The following CEP85L variants were observed in gnomAD, a reference collection of about 807,000 sequenced individuals.
CEP85L encodes centrosomal protein 85L, also known as centrosomal protein of 85 kDa-like.
In CEP85L, 60 loss-of-function variants were observed where a neutral mutation model predicts 100.3. The observed-to-expected ratio is 0.60, with a 90% CI of 0.49 to 0.74. CEP85L has a LOEUF of 0.74. Among genes scored for constraint, CEP85L ranks in the 30% least tolerant of loss-of-function variants. The pLI is 0.00. For missense variants in CEP85L, 973 were observed against 936.2 expected (o/e 1.04, Z -0.51); for synonymous variants, 319 against 322.7 (o/e 0.99, Z 0.12).
At chr6:118,684,077 C>T (rs1776753945) in intron 1 of CEP85L, among the ~76,000 whole-genome samples, 1 of 152,164 alleles carries the variant, frequency 6.6e-6, no homozygotes, top group Non-Finnish European at 1.5e-5. Context: ...ATAAGTTACA[C>T]AGGAAGTGGA....
chr6:118,522,423 T>C (rs1776720515), intron 4 of CEP85L, among the ~76,000 whole-genome samples: 1 of 152,214 alleles, frequency 6.6e-6, no homozygotes, highest in African/African-American at 2.4e-5. Flanking sequence ...CAACTGGGCC[T>C]GTACTTATTC....
intron 3 of CEP85L, chr6:118,560,767 A>G (rs1300040329): frequency 6.3e-6 from 1 of 159,804 alleles, no homozygotes; most frequent in Non-Finnish European, 1.5e-5. Flanking sequence ...ACATCTTCCA[A>G]TAACTCATAA....
chr6:118,566,622 T>A (rs568089564), intron 2 of CEP85L, among the ~76,000 whole-genome samples: 1 of 152,250 alleles, frequency 6.6e-6, no homozygotes, highest in African/African-American at 2.4e-5. Context: ...CTTTGCCATG[T>A]TGGGCAGGCT....
intron 1 of CEP85L, among the ~76,000 whole-genome samples, chr6:118,673,526 C>T (rs188264399): frequency 9.5e-4 from 144 of 152,302 alleles, no homozygotes; most frequent in Admixed American, 1.6e-3. Flanking sequence ...ATATAGACAG[C>T]GTACTGAGTA....
At chr6:118,542,548 C>G (rs1306257747) in intron 3 of CEP85L, among the ~76,000 whole-genome samples, 1 of 151,906 alleles carries the variant, frequency 6.6e-6, no homozygotes, top group Non-Finnish European at 1.5e-5. Flanking sequence ...TTAATTCGAT[C>G]TGCCTTCCAT....
At chr6:118,575,628 T>C (rs1477756870) in intron 2 of CEP85L, among the ~76,000 whole-genome samples, 1 of 151,978 alleles carries the variant, frequency 6.6e-6, no homozygotes, top group Non-Finnish European at 1.5e-5. Context: ...AGAAGGAAAG[T>C]GTGTATTACC....
At chr6:118,582,883 A>G (rs1402586945) in intron 2 of CEP85L, among the ~76,000 whole-genome samples, 1 of 152,232 alleles carries the variant, frequency 6.6e-6, no homozygotes, top group Non-Finnish European at 1.5e-5. Flanking sequence ...TCCTGAGAAT[A>G]GCCACTTCAG....
At chr6:118,651,739 C>G, upstream of CEP85L, 4 of 986,848 alleles carry the variant, frequency 4.1e-6, no homozygotes, top group Non-Finnish European at 4.8e-6. Flanking sequence ...TACCCCGACC[C>G]CGCTTCGCCT....
intron 2 of CEP85L, among the ~76,000 whole-genome samples, chr6:118,593,533 G>A (rs535095351): frequency 3.3e-5 from 5 of 152,022 alleles, no homozygotes; most frequent in African/African-American, 1.2e-4. Flanking sequence ...AGTCTATCAC[G>A]AGAACCGCAC....
intron 5 of CEP85L, among the ~76,000 whole-genome samples, chr6:118,494,231 C>T (rs1269398929): frequency 6.6e-6 from 1 of 152,136 alleles, no homozygotes; most frequent in East Asian, 1.9e-4. Context: ...CCCAATCATA[C>T]AGGAGGTTTC....
chr6:118,491,657 C>T (rs1774581871), intron 6 of CEP85L, 29 bp downstream of exon 6: 2 of 1,597,232 alleles, frequency 1.3e-6, no homozygotes, highest in South Asian at 2.3e-5. Flanking sequence ...ATGTTGTTGA[C>T]CTAATTCAAC....
At chr6:118,622,629 A>G (rs959093066) in intron 2 of CEP85L, among the ~76,000 whole-genome samples, 13 of 152,246 alleles carry the variant, frequency 8.5e-5, no homozygotes, top group African/African-American at 3.1e-4. Flanking sequence ...GAAAAAGAAT[A>G]AATGTGTATA....
intron 2 of CEP85L, among the ~76,000 whole-genome samples, chr6:118,613,331 AT>A (rs1175358659): frequency 1.3e-5 from 2 of 152,256 alleles, no homozygotes; most frequent in East Asian, 3.8e-4. Flanking sequence ...AAACTTGATA[AT>A]TTAGGTGAAA....
chr6:118,693,852 C>T (rs1777121799), intron 1 of CEP85L, among the ~76,000 whole-genome samples: 1 of 152,228 alleles, frequency 6.6e-6, no homozygotes, highest in Non-Finnish European at 1.5e-5. Flanking sequence ...GTTCCCTTCT[C>T]TCTTCATGTT....
At chr6:118,474,939 T>C (rs73766508) in intron 10 of CEP85L, among the ~76,000 whole-genome samples, 5,095 of 152,226 alleles carry the variant, frequency 0.033, 286 homozygotes, top group African/African-American at 0.12. Flanking sequence ...ACTCCTGAGG[T>C]CAGAACAAAT....
chr6:118,556,962 T>C lies in CEP85L; in HGVS notation c.1020+8567A>G, dbSNP rs556317334. The stretch of plus-strand genomic sequence containing the variant: ...AAAGTATAGGCCCCACAGGCAGCAA[T>C]AGCTTGTGGGATCTCTGAAAGAAGG... On this transcript the variant is annotated intron_variant, in intron 3 of 12. Transcript: ENST00000368491. Among the ~76,000 whole-genome samples, 42 of 152,230 alleles carry C rather than the reference T, an allele frequency of 2.8e-4. No individual in the cohort carries two copies. In the East Asian group the frequency reaches 5.2e-3, roughly 19 times the overall value.
At chr6:118,467,284 G>A (rs542821393) in intron 12 of CEP85L, among the ~76,000 whole-genome samples, 1 of 148,150 alleles carries the variant, frequency 6.7e-6, no homozygotes, top group African/African-American at 2.5e-5. Flanking sequence ...CTCAGATAAA[G>A]TACTGAATAA....
chr6:118,551,890 G>A (rs1186104718), intron 3 of CEP85L, among the ~76,000 whole-genome samples: 1 of 151,992 alleles, frequency 6.6e-6, no homozygotes, highest in Non-Finnish European at 1.5e-5. Context: ...GTGAACTTTT[G>A]TAAGCCAACA....
intron 2 of CEP85L, among the ~76,000 whole-genome samples, chr6:118,584,911 C>T (rs1422423128): frequency 6.6e-6 from 1 of 152,246 alleles, no homozygotes; most frequent in African/African-American, 2.4e-5. Context: ...GAATTGTTCT[C>T]ACCTAAATCC....
Sources: allele counts gnomAD v4.1 joint callset (sites outside exome capture counted in the v4.1 genomes callset), GRCh38; gene constraint gnomAD v4.1.1; transcripts MANE v1.5; gene names NCBI Gene and HGNC (gene_info 2026-07-23, HGNC 2026-07-21).